IQCJ: variants seen among roughly 807,000 people sequenced by gnomAD.
IQCJ encodes the protein IQ domain-containing protein J.
A neutral mutation model predicts 11.0 loss-of-function variants in IQCJ; 9 were observed. That is an observed-to-expected ratio of 0.82 (90% CI 0.49 to 1.43). The LOEUF (loss-of-function observed/expected upper bound fraction) is 1.43, where lower values mean the gene tolerates loss of function less well. IQCJ is among the 40% of genes most tolerant of loss of function. The pLI is 0.00. For synonymous variants in IQCJ, 55 were observed against 51.3 expected (o/e 1.07, Z -0.31); for missense variants, 146 against 133.2 (o/e 1.10, Z -0.47).
chr3:159,081,739 G>A (rs1379815023), intron 1 of IQCJ, among the ~76,000 whole-genome samples: 1 of 151,932 alleles, frequency 6.6e-6, no homozygotes, highest in African/African-American at 2.4e-5. Context: ...CAAGAATGTG[G>A]GGAAAGTATG....
At chr3:159,176,350 C>A (rs917206135) in intron 1 of IQCJ, among the ~76,000 whole-genome samples, 5 of 151,120 alleles carry the variant, frequency 3.3e-5, no homozygotes, top group Non-Finnish European at 5.9e-5. Flanking sequence ...ATATCTTTTC[C>A]CTTAGAAATT....
chr3:159,171,889 G>C (rs1722502931), intron 1 of IQCJ, among the ~76,000 whole-genome samples: 1 of 152,164 alleles, frequency 6.6e-6, no homozygotes, highest in South Asian at 2.1e-4. Flanking sequence ...CAAGTTCCCA[G>C]GTGATGTTGA....
At chr3:159,134,568 T>C (rs1033809249) in intron 1 of IQCJ, among the ~76,000 whole-genome samples, 1 of 152,220 alleles carries the variant, frequency 6.6e-6, no homozygotes, top group East Asian at 1.9e-4. Flanking sequence ...ACATCATTTA[T>C]AGAAAGAAGC....
chr3:159,219,242 T>C (rs1415636265), intron 1 of IQCJ, among the ~76,000 whole-genome samples: 1 of 152,102 alleles, frequency 6.6e-6, no homozygotes, highest in Non-Finnish European at 1.5e-5. Flanking sequence ...CCCCCATACA[T>C]TCTGTCTGTC....
chr3:159,216,314 T>C (rs1725232242), intron 1 of IQCJ, among the ~76,000 whole-genome samples: 1 of 152,190 alleles, frequency 6.6e-6, no homozygotes, highest in South Asian at 2.1e-4. Flanking sequence ...TTTGCTGAAG[T>C]ATCTTTCTTT....
At chr3:159,256,385 G>A (rs1351513652) in intron 3 of IQCJ, among the ~76,000 whole-genome samples, 1 of 152,198 alleles carries the variant, frequency 6.6e-6, no homozygotes, top group African/African-American at 2.4e-5. Flanking sequence ...CAGAGAGACA[G>A]AGAGAGATAG....
chr3:159,184,491 TA>T (rs1420634579), intron 1 of IQCJ, among the ~76,000 whole-genome samples: 1 of 152,212 alleles, frequency 6.6e-6, no homozygotes, highest in East Asian at 1.9e-4. Flanking sequence ...CTCTCTCAAT[TA>T]AAATGTAAAC....
chr3:159,251,127 C>T (rs939119829), intron 2 of IQCJ, among the ~76,000 whole-genome samples: 1 of 152,102 alleles, frequency 6.6e-6, no homozygotes, highest in African/African-American at 2.4e-5. Context: ...CCCAAGCTAT[C>T]TTGGGGTGCT....
intron 1 of IQCJ, among the ~76,000 whole-genome samples, chr3:159,169,257 T>C (rs1220399816): frequency 2.0e-5 from 3 of 150,880 alleles, no homozygotes; most frequent in Non-Finnish European, 4.4e-5. Context: ...TTCTTTTTTT[T>C]TTCCCTTTTC....
intron 1 of IQCJ, among the ~76,000 whole-genome samples, chr3:159,076,584 C>T (rs1296042241): frequency 6.6e-6 from 1 of 152,106 alleles, no homozygotes; most frequent in Non-Finnish European, 1.5e-5. Context: ...GCTTTGGAAT[C>T]AGACATGCCC....
At chr3:159,185,924 A>G (rs1321106633) in intron 1 of IQCJ, among the ~76,000 whole-genome samples, 2 of 152,242 alleles carry the variant, frequency 1.3e-5, no homozygotes, top group East Asian at 1.9e-4. Flanking sequence ...TTTATTTGCT[A>G]GAAGGAAGTC....
At chr3:159,245,744 A>C in intron 1 of IQCJ, 99 bp from the exon 2 acceptor site, 1 of 1,029,036 alleles carries the variant, frequency 9.7e-7, no homozygotes, top group South Asian at 1.5e-5. Flanking sequence ...AGAACTCTTA[A>C]TGTTGTGTTG....
At chr3:159,241,974 T>G (rs1037446410) in intron 1 of IQCJ, among the ~76,000 whole-genome samples, 1 of 152,234 alleles carries the variant, frequency 6.6e-6, no homozygotes, top group Non-Finnish European at 1.5e-5. Flanking sequence ...GAGAAGGCAG[T>G]ATTTGAGCAA....
intron 1 of IQCJ, among the ~76,000 whole-genome samples, chr3:159,106,453 G>A (rs1718268806): frequency 2.0e-5 from 3 of 152,052 alleles, no homozygotes; most frequent in Admixed American, 1.3e-4. Flanking sequence ...TCACCACTTA[G>A]TCAGGAATTT....
At chr3:159,226,825 T>C (rs1001875350) in intron 1 of IQCJ, among the ~76,000 whole-genome samples, 3 of 152,190 alleles carry the variant, frequency 2.0e-5, no homozygotes, top group Admixed American at 6.5e-5. Flanking sequence ...AGTTCTATTT[T>C]TTGATTGGGT....
At chr3:159,085,366 C>T (rs1421415499) in intron 1 of IQCJ, among the ~76,000 whole-genome samples, 1 of 151,996 alleles carries the variant, frequency 6.6e-6, no homozygotes, top group East Asian at 1.9e-4. Context: ...TGAATAATGC[C>T]ACAATAAACA....
At chr3:159,120,714 G>A (rs1719317521) in intron 1 of IQCJ, among the ~76,000 whole-genome samples, 1 of 152,168 alleles carries the variant, frequency 6.6e-6, no homozygotes, top group East Asian at 1.9e-4. Flanking sequence ...TTACAGGTAG[G>A]GAGTATGTTC....
At chr3:159,082,358 T>G (rs1264076794) in intron 1 of IQCJ, among the ~76,000 whole-genome samples, 2 of 152,004 alleles carry the variant, frequency 1.3e-5, no homozygotes, top group East Asian at 1.9e-4. Flanking sequence ...GTTTTTTTTT[T>G]TTGTTAGCCC....
chr3:159,109,573 C>T (rs4094324), intron 1 of IQCJ, among the ~76,000 whole-genome samples: 29,314 of 147,960 alleles, frequency 0.2, 3,637 homozygotes, highest in South Asian at 0.35. Flanking sequence ...TTTGCTTTGC[C>T]AATTAAATGC....
Sources: gnomAD v4.1 joint callset for allele counts (sites outside exome capture counted in the v4.1 genomes callset) on GRCh38, gnomAD v4.1.1 for gene constraint, MANE v1.5 for transcripts, NCBI Gene and HGNC (gene_info 2026-07-23, HGNC 2026-07-21) for gene names.